Variants in SHROOM4 observed in about 807,000 individuals in gnomAD.
SHROOM4 encodes the protein shroom family member 4, also known as protein Shroom4.
In SHROOM4, 17 loss-of-function variants were observed where a neutral mutation model predicts 80.3. The observed-to-expected ratio is 0.21, with a 90% confidence interval of 0.14 to 0.32. The LOEUF (loss-of-function observed/expected upper bound fraction) is 0.32, where lower values mean the gene tolerates loss of function less well. Ranked by LOEUF, SHROOM4 falls within the 10% of genes least tolerant of loss-of-function variation. SHROOM4 has a pLI of 1.00. For missense variants in SHROOM4, 993 were observed against 1,140.3 expected, an observed-to-expected ratio of 0.87 and a Z score of 1.86; for synonymous variants, 400 against 437.5, an observed-to-expected ratio of 0.91 and a Z score of 1.07.
chrX:50,722,698 A>G (rs1402571323), intron 1 of SHROOM4, among the ~76,000 whole-genome samples: 2 of 110,890 alleles, frequency 1.8e-5, no homozygotes, highest in African/African-American at 6.6e-5. Context: ...ACCCAGATGA[A>G]AAACCTGTTC....
chrX:50,627,753 CA>C, intron 4 of SHROOM4, 78 bp from the exon 5 acceptor site: 1 of 843,449 alleles, frequency 1.2e-6, no homozygotes, highest in South Asian at 2.1e-5. Flanking sequence ...GTGAAGAGGT[CA>C]GGAGCCGGTG....
intron 1 of SHROOM4, among the ~76,000 whole-genome samples, chrX:50,729,701 A>T (rs1569548209): frequency 8.9e-6 from 1 of 111,766 alleles, no homozygotes; most frequent in East Asian, 2.8e-4. Context: ...TATTTAAAAT[A>T]TTAAAACTAA....
intron 1 of SHROOM4, among the ~76,000 whole-genome samples, chrX:50,709,314 T>G: frequency 8.9e-6 from 1 of 112,216 alleles, no homozygotes; most frequent in Non-Finnish European, 1.9e-5. Context: ...ACAGGGCCCC[T>G]AGGCCATGCA....
chrX:50,675,522 G>A (rs1199564819), intron 2 of SHROOM4, among the ~76,000 whole-genome samples: 8 of 110,751 alleles, frequency 7.2e-5, no homozygotes, highest in Non-Finnish European at 1.5e-4. Flanking sequence ...AAGGAGGAGA[G>A]GGCATTCTTG....
In SHROOM4 at chrX:50,596,798, G is replaced by C; in HGVS notation, c.4379C>G (p.Ala1460Gly). Residue 1460 changes from alanine (A) to glycine (G), a missense_variant, in exon 9 of 9, where the codon GCT becomes GGT. By Grantham distance (60) the Ala-to-Gly change is moderately conservative (BLOSUM62 0). Coordinates refer to ENST00000376020, the MANE Select transcript of SHROOM4 (RefSeq NM_020717.5). ...CAGCTCTCGCTGTTCAATGATGAGAGCAGATTTCATCTTGACAAAGTGCTG... is the reference window on the plus strand; with the variant it reads ...CAGCTCTCGCTGTTCAATGATGAGACCAGATTTCATCTTGACAAAGTGCTG... ...DYQHFVKMKS[A>G]LIIEQRELEE... The C allele has an allele frequency of 2.5e-6, 3 of 1,211,561 alleles. No individual in the cohort carries two copies. Among genetic ancestry groups the C allele is most frequent in the Non-Finnish European group, 3.4e-6 (3 of 895,229 alleles).
intron 5 of SHROOM4, among the ~76,000 whole-genome samples, chrX:50,613,362 C>T (rs1227615942): frequency 2.7e-5 from 3 of 112,063 alleles, no homozygotes; most frequent in Admixed American, 9.5e-5. Flanking sequence ...AATCCACCCA[C>T]TTCGGCCTCG....
intron 1 of SHROOM4, among the ~76,000 whole-genome samples, chrX:50,757,123 C>T (rs782552199): frequency 8.9e-6 from 1 of 112,135 alleles, no homozygotes; most frequent in Non-Finnish European, 1.9e-5. Context: ...AGTTTAAGCT[C>T]TTATACTTAG....
chrX:50,667,812 A>G (rs1389763977), intron 2 of SHROOM4, among the ~76,000 whole-genome samples: 1 of 111,957 alleles, frequency 8.9e-6, no homozygotes, highest in Admixed American at 9.5e-5. Context: ...TTTACCTTCT[A>G]TAGCCCAGAT....
At chrX:50,764,300 C>T (rs781796223) in intron 1 of SHROOM4, among the ~76,000 whole-genome samples, 1 of 110,859 alleles carries the variant, frequency 9.0e-6, no homozygotes, top group African/African-American at 3.3e-5. Context: ...CAAGTGGGAT[C>T]TGGGGTGGGG....
rs782481728 is a variant in SHROOM4, at chrX:50,598,696, T to C, written c.3943-161A>G. On this transcript the variant is annotated intron_variant, in intron 7 of 8. Transcript: ENST00000376020. Reference sequence around the variant, plus strand: ...TTGGGCAAGTCATGAGCAACTCCAGTCTTTTGGGCAAGCACCTTCTATCCG... The same window carrying C: ...TTGGGCAAGTCATGAGCAACTCCAGCCTTTTGGGCAAGCACCTTCTATCCG... Among the ~76,000 whole-genome samples, 15 of 112,015 alleles carry C rather than the reference T, an allele frequency of 1.3e-4. No homozygotes were observed. In the South Asian group the frequency reaches 5.6e-3, roughly 42 times the overall value.
At chrX:50,704,569 C>A (rs1231555018) in intron 1 of SHROOM4, among the ~76,000 whole-genome samples, 2 of 111,551 alleles carry the variant, frequency 1.8e-5, no homozygotes, top group Non-Finnish European at 3.8e-5. Context: ...ATTTATAATC[C>A]ATTATGCAAA....
chrX:50,577,058 C>T, the SHROOM4 span, among the ~76,000 whole-genome samples: 3 of 112,025 alleles, frequency 2.7e-5, no homozygotes, highest in East Asian at 2.8e-4. Flanking sequence ...TTCCCAAATT[C>T]GTTCTTTTAT....
At chrX:50,730,596 C>T (rs1934345615) in intron 1 of SHROOM4, among the ~76,000 whole-genome samples, 1 of 109,416 alleles carries the variant, frequency 9.1e-6, no homozygotes, top group African/African-American at 3.3e-5. Context: ...GCCAACATGG[C>T]AAAACTCCAT....
In SHROOM4 at chrX:50,635,609, G is replaced by C; in HGVS notation, c.464C>G (p.Ser155Cys). 8.3e-7 allele frequency: 1 copy of C among 1,210,384 alleles called. No individual in the cohort carries two copies. The highest frequency in any genetic ancestry group is 1.1e-6 in the Non-Finnish European group (1 of 895,206). Reference protein sequence around the residue: ...SRHCSTEKSSSIGSMESLEQP... With the variant: ...SRHCSTEKSSCIGSMESLEQP... ...CTCCAGGCTCTCCATGCTGCCAATG[G>C]AGCTGCTTTTCTCGGTGCTGCAATG... is the stretch of plus-strand genomic sequence containing the variant. The change falls in exon 4 of 9, where the codon TCC (serine) becomes TGC (cysteine). Residue 155 changes from serine to cysteine, a missense_variant. Ser to Cys is a moderately radical substitution (Grantham distance 112, BLOSUM62 -1). Transcript: ENST00000376020.
chrX:50,686,981 G>C lies in SHROOM4; in HGVS notation c.269+8805C>G, dbSNP rs192982062. 1.9e-3 allele frequency: 212 copies of C among 112,142 alleles called. 1 individual carries two copies. Among genetic ancestry groups the C allele is most frequent in the African/African-American group, 5.9e-3 (182 of 30,915 alleles). The allele number at this position is 112,142 out of a possible 1,213,427, so 9.2% of individuals were successfully genotyped here. On this transcript the variant is annotated intron_variant, in intron 2 of 8. Coordinates refer to ENST00000376020, the MANE Select transcript of SHROOM4 (RefSeq NM_020717.5). ...TTTACCCTGTACCAACCACATCATTGCCCAAATTCAAAAGAATAATTGAAT... is the reference window on the plus strand; with the variant it reads ...TTTACCCTGTACCAACCACATCATTCCCCAAATTCAAAAGAATAATTGAAT...
intron 1 of SHROOM4, among the ~76,000 whole-genome samples, chrX:50,778,112 C>T (rs782245918): frequency 8.9e-6 from 1 of 111,817 alleles, no homozygotes; most frequent in Admixed American, 9.5e-5. Context: ...CTTCTGGTCT[C>T]CTCTATCCAC....
intron 1 of SHROOM4, among the ~76,000 whole-genome samples, chrX:50,763,556 C>A (rs192956481): frequency 1.6e-3 from 177 of 111,694 alleles, no homozygotes; most frequent in African/African-American, 5.7e-3. Context: ...GGTGGTTTGC[C>A]TGGACTAATC....
At chrX:50,658,775 A>G (rs1426685668) in intron 2 of SHROOM4, among the ~76,000 whole-genome samples, 1 of 111,466 alleles carries the variant, frequency 9.0e-6, no homozygotes, top group Non-Finnish European at 1.9e-5. Context: ...CCAGGAGAGA[A>G]CTTAGGACAA....
intron 2 of SHROOM4, among the ~76,000 whole-genome samples, chrX:50,685,324 C>T (rs782349500): frequency 3.6e-5 from 4 of 111,127 alleles, no homozygotes; most frequent in African/African-American, 1.3e-4. Flanking sequence ...TATTAGGACA[C>T]TGGAGGGGGT....
Sources: gnomAD v4.1 joint callset for allele counts (sites outside exome capture counted in the v4.1 genomes callset) on GRCh38, gnomAD v4.1.1 for gene constraint, MANE v1.5 for transcripts, NCBI Gene and HGNC (gene_info 2026-07-23, HGNC 2026-07-21) for gene names.